Variants in PRKD1 observed in about 807,000 individuals in gnomAD.
The protein encoded by PRKD1 is protein kinase D1.
A neutral mutation model predicts 95.9 loss-of-function variants in PRKD1; 63 were observed. The observed-to-expected ratio is 0.66, with a 90% confidence interval of 0.54 to 0.81. PRKD1 has a LOEUF of 0.81. Among genes scored for constraint, PRKD1 ranks in the 30% least tolerant of loss-of-function variants. The pLI, the probability that PRKD1 is intolerant of heterozygous loss-of-function variation, is 0.00. For missense variants in PRKD1, 1,048 were observed against 1,165.3 expected, an observed-to-expected ratio of 0.90 and a Z score of 1.47; for synonymous variants, 425 against 423.1, an observed-to-expected ratio of 1.00 and a Z score of -0.05.
At chr14:29,723,843 T>G (rs537668060) in intron 2 of PRKD1, among the ~76,000 whole-genome samples, 4 of 152,100 alleles carry the variant, frequency 2.6e-5, no homozygotes, top group African/African-American at 7.2e-5. Context: ...CCTTCTGGAG[T>G]CTGGTGCTGG....
At chr14:29,774,222 C>A (rs943178006) in intron 1 of PRKD1, among the ~76,000 whole-genome samples, 3 of 152,170 alleles carry the variant, frequency 2.0e-5, no homozygotes, top group Non-Finnish European at 4.4e-5. Flanking sequence ...GAATGAGATG[C>A]ACTTGAAGAG....
chr14:29,672,913 A>AT (rs1882948430), intron 2 of PRKD1, among the ~76,000 whole-genome samples: 1 of 152,088 alleles, frequency 6.6e-6, no homozygotes. Context: ...TCTCCTCTTC[A>AT]TTTTTTTAAA....
intron 1 of PRKD1, among the ~76,000 whole-genome samples, chr14:29,807,424 TCA>T (rs1268846382): frequency 6.6e-6 from 1 of 150,790 alleles, no homozygotes; most frequent in Non-Finnish European, 1.5e-5. Flanking sequence ...TGAGACAGGG[TCA>T]CACTCCATGG....
chr14:29,737,634 G>C (rs187295252), intron 1 of PRKD1, among the ~76,000 whole-genome samples: 263 of 152,236 alleles, frequency 1.7e-3, no homozygotes, highest in African/African-American at 6.1e-3. Flanking sequence ...GGAGTAGGTG[G>C]ATGATAAGGA....
At chr14:29,650,407 C>T (rs530961782) in intron 4 of PRKD1, 1 of 152,432 alleles carries the variant, frequency 6.6e-6, no homozygotes, top group East Asian at 1.9e-4. Flanking sequence ...GGGCCTATCC[C>T]CTTCAGGGCT....
At chr14:29,592,472 C>T (rs1893165699) in intron 16 of PRKD1, among the ~76,000 whole-genome samples, 1 of 152,048 alleles carries the variant, frequency 6.6e-6, no homozygotes, top group Non-Finnish European at 1.5e-5. Flanking sequence ...TATTACTTAA[C>T]TATTGTAAGT....
In PRKD1 at chr14:29,891,232, A is replaced by C. The variant is rs528289859; in HGVS notation, c.264+36017T>G. Among the ~76,000 whole-genome samples the C allele has an allele frequency of 2.0e-5, 3 of 152,350 alleles. No individual in the cohort carries two copies. In the South Asian group the frequency reaches 6.2e-4, roughly 32 times the overall value. On this transcript the variant is annotated intron_variant, in intron 1 of 17. Coordinates refer to ENST00000331968, the MANE Select transcript of PRKD1 (RefSeq NM_002742.3). ...ATTTTCACTGATGTGGCAGAGGTAC[A>C]ACTACTCTGAAACTCAAGGGAGAGC...
At chr14:29,882,702 A>G (rs1053091376) in intron 1 of PRKD1, among the ~76,000 whole-genome samples, 22 of 152,256 alleles carry the variant, frequency 1.4e-4, no homozygotes, top group African/African-American at 5.3e-4. Flanking sequence ...CTGTTTCTCT[A>G]TATTTGACTA....
At chr14:29,797,264 G>A (rs1035995250) in intron 1 of PRKD1, among the ~76,000 whole-genome samples, 3 of 152,150 alleles carry the variant, frequency 2.0e-5, no homozygotes, top group African/African-American at 7.2e-5. Context: ...CTTTTAGGAG[G>A]ATATCAGTAT....
chr14:29,640,454 A>C (rs1880684697), intron 4 of PRKD1, among the ~76,000 whole-genome samples: 1 of 152,334 alleles, frequency 6.6e-6, no homozygotes, highest in South Asian at 2.1e-4. Context: ...CTACACAGGA[A>C]TATTAGGCCT....
chr14:29,680,990 T>C (rs922532081), intron 2 of PRKD1, among the ~76,000 whole-genome samples: 1 of 152,190 alleles, frequency 6.6e-6, no homozygotes, highest in Non-Finnish European at 1.5e-5. Context: ...AACACTTCTA[T>C]ATTTTTTACC....
chr14:29,627,338 G>A (rs1202074939), intron 11 of PRKD1, among the ~76,000 whole-genome samples: 4 of 152,306 alleles, frequency 2.6e-5, no homozygotes, highest in African/African-American at 9.6e-5. Context: ...AGTGACAGAA[G>A]AGGAGGCTGA....
intron 1 of PRKD1, among the ~76,000 whole-genome samples, chr14:29,748,781 T>A (rs897167965): frequency 6.6e-6 from 1 of 152,154 alleles, no homozygotes; most frequent in Non-Finnish European, 1.5e-5. Context: ...TAAAGATGAA[T>A]CATCTTAATG....
chr14:29,848,931 A>C (rs1362298329), intron 1 of PRKD1, among the ~76,000 whole-genome samples: 1 of 152,202 alleles, frequency 6.6e-6, no homozygotes, highest in Non-Finnish European at 1.5e-5. Flanking sequence ...GATTAACAAC[A>C]ACCACAACAA....
chr14:29,670,137 A>G (rs570046543), intron 2 of PRKD1, among the ~76,000 whole-genome samples: 7 of 152,244 alleles, frequency 4.6e-5, no homozygotes, highest in African/African-American at 1.4e-4. Context: ...TAAGTAAAGC[A>G]GTCCTAATAA....
At chr14:29,897,717 G>A (rs1045275339) in intron 1 of PRKD1, among the ~76,000 whole-genome samples, 3 of 152,106 alleles carry the variant, frequency 2.0e-5, no homozygotes, top group African/African-American at 4.8e-5. Flanking sequence ...TGATGTAGAG[G>A]TGCATCTATG....
chr14:29,674,308 T>C (rs1294179808), intron 2 of PRKD1, among the ~76,000 whole-genome samples: 3 of 152,166 alleles, frequency 2.0e-5, no homozygotes, highest in African/African-American at 4.8e-5. Flanking sequence ...CCAGAGGAAA[T>C]TGCTTTCCTA....
In PRKD1 at chr14:29,674,141, T is replaced by A. The variant is rs187935036; in HGVS notation, c.404-7933A>T. ...AAGACCTGGGTTAGAATCACAGTTA[T>A]TATTAATAATAATAATTATTGTCAC... On this transcript the variant is annotated intron_variant, in intron 2 of 17. Transcript: ENST00000331968. Among the ~76,000 whole-genome samples, 128 of 152,266 alleles carry A rather than the reference T, an allele frequency of 8.4e-4. 1 individual carries two copies. The highest frequency in any genetic ancestry group is 4.4e-5 in the Non-Finnish European group (3 of 68,036).
intron 2 of PRKD1, among the ~76,000 whole-genome samples, chr14:29,702,169 T>A (rs1884874223): frequency 3.3e-5 from 5 of 152,180 alleles, no homozygotes; most frequent in Admixed American, 3.3e-4. Flanking sequence ...TAAGGTTTAA[T>A]CCTAAGTATT....
Sources: gnomAD v4.1 joint callset for allele counts (sites outside exome capture counted in the v4.1 genomes callset) on GRCh38, gnomAD v4.1.1 for gene constraint, MANE v1.5 for transcripts, NCBI Gene and HGNC (gene_info 2026-07-23, HGNC 2026-07-21) for gene names.